OSMR: variants seen among roughly 807,000 people sequenced by gnomAD.
OSMR encodes the protein oncostatin-M-specific receptor subunit beta.
In OSMR, 81 loss-of-function variants were observed where a neutral mutation model predicts 99.9. The observed-to-expected ratio is 0.81, with a 90% CI of 0.68 to 0.97. The LOEUF (loss-of-function observed/expected upper bound fraction) is 0.97. OSMR is among the 50% of genes least tolerant of loss of function. The pLI is 0.00. For synonymous variants in OSMR, 406 were observed against 410.4 expected (o/e 0.99, Z 0.13); for missense variants, 1,099 against 1,153.4 (o/e 0.95, Z 0.68).
chr5:38,852,625 C>G (rs978957424), intron 1 of OSMR, among the ~76,000 whole-genome samples: 11 of 147,972 alleles, frequency 7.4e-5, no homozygotes, highest in Non-Finnish European at 1.3e-4. Context: ...TCATGTTTTT[C>G]TACAGAGTTG....
intron 7 of OSMR, among the ~76,000 whole-genome samples, chr5:38,892,391 A>G (rs1234419364): frequency 6.6e-6 from 1 of 152,006 alleles, no homozygotes; most frequent in Non-Finnish European, 1.5e-5. Context: ...GCCCCACCCC[A>G]TCATAGACAG....
In OSMR at chr5:38,894,626, C is replaced by T. The variant is rs1458047711; in HGVS notation, c.991+8436C>T. 2.0e-5 allele frequency among the ~76,000 whole-genome samples: 3 copies of T among 151,942 alleles called. No homozygotes were observed. The East Asian group carries it at 5.8e-4, about 29-fold the overall frequency. On this transcript the variant is annotated intron_variant, in intron 7 of 17. Transcript: ENST00000274276. ...AGGCACTACATAATGATAAAGGGCT[C>T]AATTCAATAAGAAGACTTATTGATT... is the stretch of plus-strand genomic sequence containing the variant.
chr5:38,893,618 G>A (rs1009296514), intron 7 of OSMR, among the ~76,000 whole-genome samples: 11 of 152,056 alleles, frequency 7.2e-5, no homozygotes, highest in African/African-American at 2.4e-4. Context: ...AACCTAGTCA[G>A]ACAAAAGTAA....
chr5:38,885,760 C>A (rs1175381363), intron 6 of OSMR: 1 of 597,536 alleles, frequency 1.7e-6, no homozygotes, highest in Non-Finnish European at 2.1e-6. Context: ...CTGGGTTTAC[C>A]CAATTTCTGA....
intron 12 of OSMR, among the ~76,000 whole-genome samples, chr5:38,922,229 A>G (rs1236574890): frequency 3.3e-5 from 5 of 152,148 alleles, no homozygotes; most frequent in Non-Finnish European, 7.4e-5. Flanking sequence ...TTGGATTTGT[A>G]ATGTGAAGAT....
Position 38,885,457 on chromosome 5 carries a change from C to T in OSMR, c.812C>T (p.Pro271Leu). The change falls in exon 6 of 18, where the codon CCT becomes CTT. Residue 271 changes from proline (P) to leucine (L), a missense_variant. By Grantham distance (98) the Pro-to-Leu change is moderately conservative. Transcript: ENST00000274276. Reference protein sequence around the residue: ...TDTALGWSKQPSQSYTLFESF... With the variant: ...TDTALGWSKQLSQSYTLFESF... Reference sequence around the variant, plus strand: ...ACTGCCTTGGGGTGGTCTAAACAACCTTCCCAAAGCTACACTTTATTTGAA... The same window carrying T: ...ACTGCCTTGGGGTGGTCTAAACAACTTTCCCAAAGCTACACTTTATTTGAA... 1.2e-6 allele frequency: 2 copies of T among 1,614,046 alleles called. No individual in the cohort carries two copies. The highest frequency in any genetic ancestry group is 1.7e-6 in the Non-Finnish European group (2 of 1,179,914).
intron 1 of OSMR, among the ~76,000 whole-genome samples, chr5:38,857,675 A>AT (rs60635601): frequency 0.025 from 3,712 of 151,404 alleles, 72 homozygotes; most frequent in Admixed American, 0.055. Context: ...TTTTATTTTT[A>AT]TTTTTTTCTT....
chr5:38,898,950 C>CTTTT (rs58159819), intron 7 of OSMR, among the ~76,000 whole-genome samples: 6,360 of 78,246 alleles, frequency 0.081, 861 homozygotes, highest in South Asian at 0.14. Context: ...TACATAATAT[C>CTTTT]TTTTTTTTTT....
chr5:38,892,281 C>T (rs759313281), intron 7 of OSMR, among the ~76,000 whole-genome samples: 4 of 152,090 alleles, frequency 2.6e-5, no homozygotes, highest in Non-Finnish European at 4.4e-5. Context: ...GAAAACCCAG[C>T]CCCCACTGGC....
At chr5:38,867,671 C>G (rs1163357548) in intron 1 of OSMR, among the ~76,000 whole-genome samples, 1 of 152,176 alleles carries the variant, frequency 6.6e-6, no homozygotes, top group East Asian at 1.9e-4. Context: ...CTCTTTGGCT[C>G]TTTACAATTC....
At chr5:38,942,227 G>GT in intron 1 of OSMR, 1 of 840,262 alleles carries the variant, frequency 1.2e-6, no homozygotes, top group South Asian at 2.0e-5. Flanking sequence ...CTAGTCAGTC[G>GT]TATTTTCTGA....
At chr5:38,853,668 T>C (rs576699115) in intron 1 of OSMR, among the ~76,000 whole-genome samples, 1 of 152,376 alleles carries the variant, frequency 6.6e-6, no homozygotes, top group East Asian at 1.9e-4. Context: ...TTCATTTTTT[T>C]ATTTGGCTTC....
At chr5:38,921,096 A>G (rs10075572) in intron 11 of OSMR, among the ~76,000 whole-genome samples, 2 of 152,040 alleles carry the variant, frequency 1.3e-5, no homozygotes, top group African/African-American at 4.8e-5. Flanking sequence ...TTCAACAGGT[A>G]TTTTTTGAAG....
At chr5:38,899,573 G>T (rs1744761041) in intron 7 of OSMR, among the ~76,000 whole-genome samples, 2 of 152,176 alleles carry the variant, frequency 1.3e-5, no homozygotes, top group African/African-American at 4.8e-5. Context: ...TACTACTTGG[G>T]TATTGCTCCT....
intron 9 of OSMR, among the ~76,000 whole-genome samples, chr5:38,907,371 A>G (rs1745312898): frequency 6.6e-6 from 1 of 152,238 alleles, no homozygotes; most frequent in Non-Finnish European, 1.5e-5. Flanking sequence ...TTAGAGAGGT[A>G]GTAGGAATAG....
chr5:38,936,814 T>C (rs1172449078), downstream of OSMR, among the ~76,000 whole-genome samples: 2 of 152,208 alleles, frequency 1.3e-5, no homozygotes, highest in African/African-American at 4.8e-5. Flanking sequence ...ATAGGTATAT[T>C]CAATTTGAAA....
chr5:38,908,261 G>T (rs1273568460), intron 9 of OSMR, among the ~76,000 whole-genome samples: 1 of 152,190 alleles, frequency 6.6e-6, no homozygotes, highest in East Asian at 1.9e-4. Context: ...CATGCACAAA[G>T]ACTGGTAGCC....
chr5:38,921,944 T>C (rs1746256000), intron 12 of OSMR, 150 bp downstream of exon 12: 1 of 687,054 alleles, frequency 1.5e-6, no homozygotes, highest in Admixed American at 2.5e-5. Flanking sequence ...GTTCAGATGT[T>C]ACAAGAATAT....
At chr5:38,855,242 A>G (rs574002217) in intron 1 of OSMR, among the ~76,000 whole-genome samples, 16 of 152,236 alleles carry the variant, frequency 1.1e-4, no homozygotes, top group African/African-American at 3.9e-4. Context: ...CTGACCTCCT[A>G]GCTTTTCTGT....
Sources: allele counts gnomAD v4.1 joint callset (sites outside exome capture counted in the v4.1 genomes callset), GRCh38; gene constraint gnomAD v4.1.1; transcripts MANE v1.5; gene names NCBI Gene and HGNC (gene_info 2026-07-23, HGNC 2026-07-21).